ST3GAL3: variants seen among roughly 807,000 people sequenced by gnomAD.
ST3GAL3 encodes the protein CMP-N-acetylneuraminate-beta-1,4-galactoside alpha-2,3-sialyltransferase.
A neutral mutation model predicts 50.1 loss-of-function variants in ST3GAL3; 21 were observed. That is an observed-to-expected ratio of 0.42 (90% CI 0.30 to 0.60). The LOEUF (loss-of-function observed/expected upper bound fraction) is 0.60. ST3GAL3 is among the 20% of genes least tolerant of loss of function. The pLI is 0.19. For synonymous variants in ST3GAL3, 183 were observed against 190.0 expected (o/e 0.96, Z 0.30); for missense variants, 353 against 489.4 (o/e 0.72, Z 2.63).
chr1:43,889,043 T>C (rs1558741852), intron 5 of ST3GAL3, among the ~76,000 whole-genome samples: 1 of 152,176 alleles, frequency 6.6e-6, no homozygotes, highest in African/African-American at 2.4e-5. Context: ...AGGAGATTGA[T>C]TGAATAAAAT....
intron 2 of ST3GAL3, among the ~76,000 whole-genome samples, chr1:43,764,965 A>G (rs988079933): frequency 1.3e-5 from 2 of 152,252 alleles, no homozygotes; most frequent in African/African-American, 4.8e-5. Flanking sequence ...TTTAGACAGA[A>G]TTGCTTTGAA....
chr1:43,777,190 C>A (rs910814003), intron 2 of ST3GAL3, among the ~76,000 whole-genome samples: 1 of 152,118 alleles, frequency 6.6e-6, no homozygotes, highest in Non-Finnish European at 1.5e-5. Flanking sequence ...CTAAGTCATA[C>A]GATCTTTTTT....
At position 43,757,514 on chromosome 1, in the gene ST3GAL3, G is replaced by T. The variant is rs368187762; in HGVS notation, c.118+21134G>T. Among the ~76,000 whole-genome samples the T allele has an allele frequency of 5.3e-5, 8 of 152,224 alleles. No homozygotes were observed. In the East Asian group the frequency reaches 1.5e-3, roughly 29 times the overall value. On this transcript the variant is annotated intron_variant, in intron 2 of 11. Coordinates refer to ENST00000347631, the MANE Select transcript of ST3GAL3 (RefSeq NM_006279.5). ...CCAGAAATAGACCCACACATATATG[G>T]CCGATTGATTTTTCACAAAGGGGCC...
At chr1:43,784,079 T>A (rs914449272) in intron 2 of ST3GAL3, among the ~76,000 whole-genome samples, 1 of 152,144 alleles carries the variant, frequency 6.6e-6, no homozygotes, top group Non-Finnish European at 1.5e-5. Context: ...CACCCCTCAC[T>A]TTCCATGCTT....
intron 2 of ST3GAL3, among the ~76,000 whole-genome samples, chr1:43,775,565 CTT>C (rs1448927995): frequency 6.6e-6 from 1 of 152,148 alleles, no homozygotes; most frequent in Non-Finnish European, 1.5e-5. Context: ...AATCTCCTGA[CTT>C]ATAAATGTTA....
intron 2 of ST3GAL3, among the ~76,000 whole-genome samples, chr1:43,756,573 C>T (rs1279807671): frequency 6.6e-6 from 1 of 152,014 alleles, no homozygotes; most frequent in African/African-American, 2.4e-5. Flanking sequence ...CGCACGCACA[C>T]ATTAAACAAA....
chr1:43,721,524 G>A (rs898177964), intron 1 of ST3GAL3, among the ~76,000 whole-genome samples: 3 of 151,606 alleles, frequency 2.0e-5, no homozygotes, highest in Admixed American at 6.6e-5. Flanking sequence ...GGCTGGTCTC[G>A]AACTCCCGAC....
chr1:43,817,276 G>C lies in ST3GAL3; in HGVS notation c.209+2343G>C, dbSNP rs866815576. Among the ~76,000 whole-genome samples the C allele has an allele frequency of 3.9e-5, 6 of 152,178 alleles. No individual in the cohort carries two copies. In the South Asian group the frequency reaches 1.0e-3, roughly 26 times the overall value. On this transcript the variant is annotated intron_variant, in intron 4 of 11. Transcript: ENST00000347631. The stretch of plus-strand genomic sequence containing the variant: ...GTATGAATAAATATGCCAATGTAAG[G>C]CTTTCTTTTTATTTATCTTGATTGG...
At chr1:43,715,606 A>G (rs1208927492) in intron 1 of ST3GAL3, among the ~76,000 whole-genome samples, 1 of 151,836 alleles carries the variant, frequency 6.6e-6, no homozygotes, top group East Asian at 1.9e-4. Flanking sequence ...CCTGGGTAAC[A>G]TAGTGAGACT....
At chr1:43,786,403 C>T (rs1368407129) in intron 2 of ST3GAL3, among the ~76,000 whole-genome samples, 1 of 152,188 alleles carries the variant, frequency 6.6e-6, no homozygotes, top group African/African-American at 2.4e-5. Context: ...CAACACTGAC[C>T]TTCTGACTTC....
At chr1:43,857,580 C>T (rs2068773354) in intron 5 of ST3GAL3, among the ~76,000 whole-genome samples, 1 of 86,354 alleles carries the variant, frequency 1.2e-5, no homozygotes, top group East Asian at 3.7e-4. Context: ...TCTTTCCTTC[C>T]TCCCTCCCTT....
At chr1:43,859,211 C>A (rs2069277117) in intron 5 of ST3GAL3, among the ~76,000 whole-genome samples, 1 of 152,192 alleles carries the variant, frequency 6.6e-6, no homozygotes, top group Non-Finnish European at 1.5e-5. Context: ...CTGTTGACAG[C>A]TGGCCCTGTG....
At chr1:43,844,690 G>A (rs1036876539) in intron 5 of ST3GAL3, among the ~76,000 whole-genome samples, 18 of 152,232 alleles carry the variant, frequency 1.2e-4, no homozygotes, top group Admixed American at 9.1e-4. Flanking sequence ...CGGGCACTAC[G>A]GTGGCGGGCG....
At chr1:43,849,252 A>G (rs1415125897) in intron 5 of ST3GAL3, among the ~76,000 whole-genome samples, 3 of 147,422 alleles carry the variant, frequency 2.0e-5, no homozygotes, top group Admixed American at 1.3e-4. Flanking sequence ...TTTTTTTTTC[A>G]TATGGGTAGC....
chr1:43,868,760 G>T (rs1240897256), intron 5 of ST3GAL3, among the ~76,000 whole-genome samples: 1 of 151,976 alleles, frequency 6.6e-6, no homozygotes, highest in African/African-American at 2.4e-5. Flanking sequence ...CACGCCTTCT[G>T]TTCAATCAAG....
intron 5 of ST3GAL3, among the ~76,000 whole-genome samples, chr1:43,852,763 C>T (rs992689354): frequency 6.6e-6 from 1 of 152,194 alleles, no homozygotes; most frequent in Non-Finnish European, 1.5e-5. Flanking sequence ...ACAGCTTTCT[C>T]ACTTCACAGG....
intron 3 of ST3GAL3, among the ~76,000 whole-genome samples, chr1:43,794,816 C>A (rs1422100296): frequency 6.6e-6 from 1 of 152,066 alleles, no homozygotes; most frequent in Non-Finnish European, 1.5e-5. Context: ...TCAGACAAAA[C>A]AGTACATACT....
At chr1:43,767,995 A>G (rs1347194283) in intron 2 of ST3GAL3, among the ~76,000 whole-genome samples, 1 of 152,186 alleles carries the variant, frequency 6.6e-6, no homozygotes, top group African/African-American at 2.4e-5. Context: ...AATGTAGAGC[A>G]CATTAAACCC....
chr1:43,893,299 C>T (rs1363808667), intron 5 of ST3GAL3, among the ~76,000 whole-genome samples: 1 of 152,222 alleles, frequency 6.6e-6, no homozygotes, highest in Non-Finnish European at 1.5e-5. Flanking sequence ...AATAACAACA[C>T]AGAGCCACGG....
Sources: allele counts gnomAD v4.1 joint callset (sites outside exome capture counted in the v4.1 genomes callset), GRCh38; gene constraint gnomAD v4.1.1; transcripts MANE v1.5; gene names NCBI Gene and HGNC (gene_info 2026-07-23, HGNC 2026-07-21).